The following ADCY7 variants were observed in gnomAD, a reference collection of about 807,000 sequenced individuals.
ADCY7 encodes adenylate cyclase 7, also known as adenylate cyclase type 7.
A neutral mutation model predicts 120.6 loss-of-function variants in ADCY7; 72 were observed. The ratio of observed to expected loss-of-function variants is 0.60; its 90% CI spans 0.49 to 0.73. ADCY7 has a LOEUF of 0.73. Among genes scored for constraint, ADCY7 ranks in the 30% least tolerant of loss-of-function variants. The pLI is 0.00. For synonymous variants in ADCY7, 661 were observed against 628.0 expected, an observed-to-expected ratio of 1.05 and a Z score of -0.78; for missense variants, 1,227 against 1,486.0, an observed-to-expected ratio of 0.83 and a Z score of 2.87.
In ADCY7 at chr16:50,313,904, C is replaced by A. The variant is rs1412242167; in HGVS notation, c.2752-54C>A. The A allele has an allele frequency of 1.5e-5, 22 of 1,496,210 alleles. 1 individual carries two copies. The highest frequency in any genetic ancestry group is 1.8e-5 in the Non-Finnish European group (20 of 1,081,546). The allele number at this position is 1,496,210 out of a possible 1,614,324, so 92.7% of individuals were successfully genotyped here. ...CACCCTTCCTGAGAAGCAGGGGCAG[C>A]CTGGCTGCGGCTATGGAGTGGCGGC... On this transcript the variant is annotated intron_variant, in intron 22 of 25. Coordinates refer to ENST00000673801, the MANE Select transcript of ADCY7 (RefSeq NM_001114.5).
intron 18 of ADCY7, chr16:50,310,338 A>C: frequency 5.6e-6 from 5 of 890,170 alleles, no homozygotes; most frequent in East Asian, 5.3e-5. Flanking sequence ...GCCACAGCAC[A>C]ATCTTGAGCA....
rs201287861 is a variant in ADCY7 at position 50,309,663 on chromosome 16, C to T, written c.2160+17C>T. 2.7e-5 allele frequency: 43 copies of T among 1,601,328 alleles called. No individual in the cohort carries two copies. Among genetic ancestry groups the T allele is most frequent in the East Asian group, 1.3e-4 (6 of 44,792 alleles). On this transcript the variant is annotated intron_variant, in intron 18 of 25. Coordinates refer to ENST00000673801, the MANE Select transcript of ADCY7 (RefSeq NM_001114.5). Reference sequence around the variant, plus strand: ...CCCCTCCCGGTGAGTGCGCCGGGCCCGGCTCCGTGGCCTCATTCAGAGTGG... The same window carrying T: ...CCCCTCCCGGTGAGTGCGCCGGGCCTGGCTCCGTGGCCTCATTCAGAGTGG...
intron 22 of ADCY7, chr16:50,313,280 G>A (rs2036584750): frequency 2.5e-6 from 1 of 393,198 alleles, no homozygotes; most frequent in Admixed American, 3.8e-5. Flanking sequence ...TACAAGCTGG[G>A]CTTGGGGCGC....
chr16:50,304,833 A>G, intron 11 of ADCY7, 92 bp from the exon 12 acceptor site: 1 of 1,541,434 alleles, frequency 6.5e-7, no homozygotes, highest in Non-Finnish European at 9.0e-7. Context: ...CCTGTGTATC[A>G]AGTGCCGGAG....
At position 50,315,533 on chromosome 16, in the gene ADCY7, G is replaced by T. The variant is rs762360875; in HGVS notation, c.*28G>T. The T allele has an allele frequency of 5.6e-6, 9 of 1,595,524 alleles. No individual in the cohort carries two copies. The highest frequency in any genetic ancestry group is 6.9e-6 in the Non-Finnish European group (8 of 1,164,588). On this transcript the variant is annotated 3_prime_UTR_variant, in exon 26 of 26. Coordinates refer to ENST00000673801, the MANE Select transcript of ADCY7 (RefSeq NM_001114.5). ...GCTCCTGCTGGATTCCGAAAAGGCC[G>T]GGAAGCCAGTCTCCTTCCCTGAAGC...
At chr16:50,281,813 A>T (rs76287915) in intron 1 of ADCY7, among the ~76,000 whole-genome samples, 1 of 152,210 alleles carries the variant, frequency 6.6e-6, no homozygotes, top group African/African-American at 2.4e-5. Context: ...CTCTTAGGTC[A>T]GGCTTGCACT....
At position 50,292,657 on chromosome 16, in the gene ADCY7, A is replaced by T. The variant is rs1204036154; in HGVS notation, c.538-19A>T. 1 of 1,612,500 alleles carries T rather than the reference A, an allele frequency of 6.2e-7. No individual in the cohort carries two copies. Among genetic ancestry groups the T allele is most frequent in the South Asian group, 1.1e-5 (1 of 90,974 alleles). On this transcript the variant is annotated intron_variant, in intron 4 of 25. Coordinates refer to ENST00000673801, the MANE Select transcript of ADCY7 (RefSeq NM_001114.5). ...ATGGGCCAGGCCACATAATGAGCCA[A>T]ACCCCTGTCTACCCGCAGCTGCTGG...
upstream of ADCY7, among the ~76,000 whole-genome samples, chr16:50,245,637 G>C (rs1010534529): frequency 6.6e-6 from 1 of 152,102 alleles, no homozygotes; most frequent in East Asian, 1.9e-4. Context: ...CCTGCCATAG[G>C]AGGTTAAGGC....
At chr16:50,290,413 C>T (rs200687187) in intron 2 of ADCY7, 44 bp from the exon 3 acceptor site, 1 of 1,609,072 alleles carries the variant, frequency 6.2e-7, no homozygotes, top group Admixed American at 1.7e-5. Context: ...GGTGGCTCTG[C>T]ACTGGGGAAA....
In ADCY7 at chr16:50,317,358, T is replaced by C. The variant is rs2036850104; in HGVS notation, c.*1853T>C. The C allele has an allele frequency of 6.7e-6, 1 of 150,342 alleles. No individual in the cohort carries two copies. Among genetic ancestry groups the C allele is most frequent in the South Asian group, 2.1e-4 (1 of 4,828 alleles). 9.3% of individuals were successfully genotyped at this position (150,342 alleles called of 1,614,324 possible). A position where few individuals can be genotyped will look rare whatever the true frequency, so the allele number is the denominator to read the frequency against. On this transcript the variant is annotated 3_prime_UTR_variant, in exon 26 of 26. Coordinates refer to ENST00000673801, the MANE Select transcript of ADCY7 (RefSeq NM_001114.5). The stretch of plus-strand genomic sequence containing the variant: ...ATGAATACTATACTGAAATCTGTGC[T>C]CTCAAGATCTAGCAGTGACCAGGGC...
chr16:50,272,459 C>T (rs563991381), intron 1 of ADCY7, among the ~76,000 whole-genome samples: 31 of 152,320 alleles, frequency 2.0e-4, no homozygotes. Flanking sequence ...CACCGACTGG[C>T]TGGGCAGGGA....
At position 50,308,341 on chromosome 16, in the gene ADCY7, G is replaced by A. The variant is rs375929825; in HGVS notation, c.1865G>A (p.Gly622Asp). The change falls in exon 16 of 26, where the codon GGT (glycine) becomes GAT (aspartate). Residue 622 changes from glycine (G) to aspartate (D), a missense_variant. Physicochemically the swap from Gly to Asp is moderately conservative, Grantham distance 94 (BLOSUM62 -1). Coordinates refer to ENST00000673801, the MANE Select transcript of ADCY7 (RefSeq NM_001114.5). ...CTCCTCTCCAGGACGGCGGCACTGG[G>A]TGTGTCCTTCGGGCTGGTGGCCTGT... ...VLLMPRTAAL[G>D]VSFGLVACVL... is the part of the protein sequence containing the mutation. 2.5e-6 allele frequency: 4 copies of A among 1,614,198 alleles called. No individual in the cohort carries two copies. The Admixed American group carries it at 5.0e-5, about 20-fold the overall frequency.
intron 5 of ADCY7, among the ~76,000 whole-genome samples, chr16:50,293,065 G>C (rs770290727): frequency 6.6e-6 from 1 of 152,160 alleles, no homozygotes; most frequent in Admixed American, 6.5e-5. Context: ...AGAGAAGGCC[G>C]TAGTGGCTCC....
rs2036811278 is a variant in ADCY7, at chr16:50,316,596, G to C, written c.*1091G>C. On this transcript the variant is annotated 3_prime_UTR_variant, in exon 26 of 26. Transcript: ENST00000673801. ...CTACTCCGCATGGGTGCATGCAGAG[G>C]CTCCTGGATCTGGGAAGCCCGCCCC... The C allele has an allele frequency of 6.6e-6, 1 of 152,306 alleles. No homozygotes were observed. The highest frequency in any genetic ancestry group is 2.1e-4 in the South Asian group (1 of 4,822). The allele number at this position is 152,306 out of a possible 1,614,324, so 9.4% of individuals were successfully genotyped here. A position where few individuals can be genotyped will look rare whatever the true frequency, so the allele number is the denominator to read the frequency against.
chr16:50,302,742 G>A (rs2035812789), intron 10 of ADCY7, among the ~76,000 whole-genome samples: 1 of 152,166 alleles, frequency 6.6e-6, no homozygotes, highest in Non-Finnish European at 1.5e-5. Flanking sequence ...GACACCGAGT[G>A]AACTGCGAGT....
chr16:50,279,092 G>A lies in ADCY7; in HGVS notation c.-268-8820G>A, dbSNP rs961462882. On this transcript the variant is annotated intron_variant, in intron 1 of 25. Coordinates refer to ENST00000673801, the MANE Select transcript of ADCY7 (RefSeq NM_001114.5). Reference sequence around the variant, plus strand: ...TCACCATGTTGGCCAGGCTGGTCTCGAACTCCTGGCCTCAAGCTATCCACC... The same window carrying A: ...TCACCATGTTGGCCAGGCTGGTCTCAAACTCCTGGCCTCAAGCTATCCACC... Among the ~76,000 whole-genome samples the A allele has an allele frequency of 2.0e-5, 3 of 152,182 alleles. No individual in the cohort carries two copies. In the East Asian group the frequency reaches 5.8e-4, roughly 29 times the overall value.
intron 1 of ADCY7, among the ~76,000 whole-genome samples, chr16:50,276,795 C>T (rs945324109): frequency 2.6e-5 from 4 of 152,068 alleles, no homozygotes; most frequent in Admixed American, 1.3e-4. Flanking sequence ...CATCTCACTA[C>T]GTTGCCCAGG....
intron 21 of ADCY7, 129 bp from the exon 22 acceptor site, chr16:50,312,758 GCCC>G: frequency 1.3e-6 from 1 of 791,774 alleles, no homozygotes; most frequent in Non-Finnish European, 1.9e-6. Flanking sequence ...AACTCATGCA[GCCC>G]GCCCCCCTCC....
chr16:50,289,357 C>G (rs1368382392), intron 2 of ADCY7: 1 of 444,082 alleles, frequency 2.3e-6, no homozygotes, highest in Non-Finnish European at 4.5e-6. Flanking sequence ...TTTAACACAG[C>G]TCTCCAGGCT....
Sources: allele counts gnomAD v4.1 joint callset (sites outside exome capture counted in the v4.1 genomes callset), GRCh38; gene constraint gnomAD v4.1.1; transcripts MANE v1.5; gene names NCBI Gene and HGNC (gene_info 2026-07-23, HGNC 2026-07-21).